The following ZC3H12B variants were observed in gnomAD, a reference collection of about 807,000 sequenced individuals.
ZC3H12B encodes zinc finger CCCH-type containing 12B, also known as probable ribonuclease ZC3H12B.
ZC3H12B carries 7 observed loss-of-function variants against 43.9 expected under a neutral mutation model. That is an observed-to-expected ratio of 0.16 (90% confidence interval 0.09 to 0.30). ZC3H12B has a LOEUF of 0.30. ZC3H12B is among the 10% of genes least tolerant of loss of function. The pLI, the probability that ZC3H12B is intolerant of heterozygous loss-of-function variation, is 1.00. For missense variants in ZC3H12B, 475 were observed against 670.2 expected, an observed-to-expected ratio of 0.71 and a Z score of 3.22; for synonymous variants, 222 against 241.7, an observed-to-expected ratio of 0.92 and a Z score of 0.76.
chrX:65,373,897 A>ATATATATACTATATATATAC (rs2066285472), intron 2 of ZC3H12B, among the ~76,000 whole-genome samples: 1 of 27,348 alleles, frequency 3.7e-5, no homozygotes, highest in African/African-American at 1.7e-4. Flanking sequence ...GTATAGTAAT[A>ATATATATACTATATATATAC]TATATATATA....
At chrX:65,242,280 G>A in the ZC3H12B span, among the ~76,000 whole-genome samples, 2 of 111,417 alleles carry the variant, frequency 1.8e-5, no homozygotes, top group South Asian at 3.8e-4. Context: ...TGAGAGCTGC[G>A]GACGGCAATT....
chrX:65,065,032 T>G, the ZC3H12B span, among the ~76,000 whole-genome samples: 2 of 111,034 alleles, frequency 1.8e-5, no homozygotes, highest in Non-Finnish European at 3.8e-5. Flanking sequence ...AGCCTATGTG[T>G]GTCTTTGCAC....
chrX:65,407,374 C>A (rs1410889196), intron 3 of ZC3H12B, among the ~76,000 whole-genome samples: 1 of 112,322 alleles, frequency 8.9e-6, no homozygotes, highest in Non-Finnish European at 1.9e-5. Flanking sequence ...TCGCACGGGG[C>A]GTGCCGAGCC....
the ZC3H12B span, among the ~76,000 whole-genome samples, chrX:65,252,743 A>G: frequency 3.6e-5 from 4 of 111,938 alleles, no homozygotes; most frequent in Admixed American, 9.5e-5. Flanking sequence ...TCTCATTATT[A>G]TACGTTGTCA....
chrX:65,489,698 T>C (rs1420216906), intron 1 of ZC3H12B, among the ~76,000 whole-genome samples: 1 of 112,062 alleles, frequency 8.9e-6, no homozygotes, highest in Non-Finnish European at 1.9e-5. Flanking sequence ...GTCCTATCCC[T>C]ACTTTACTAG....
At chrX:65,430,376 G>A (rs1299285390) in intron 3 of ZC3H12B, among the ~76,000 whole-genome samples, 1 of 108,505 alleles carries the variant, frequency 9.2e-6, no homozygotes, top group African/African-American at 3.4e-5. Context: ...TAAGTTCTAG[G>A]GTACATGTGC....
the ZC3H12B span, among the ~76,000 whole-genome samples, chrX:65,095,614 A>G: frequency 1.4e-3 from 157 of 111,931 alleles, 1 homozygote; most frequent in Non-Finnish European, 2.4e-3. Flanking sequence ...GTGTGCTTCT[A>G]GCAGTGGGAG....
At chrX:65,122,815 A>T in the ZC3H12B span, among the ~76,000 whole-genome samples, 35 of 111,827 alleles carry the variant, frequency 3.1e-4, no homozygotes, top group Non-Finnish European at 5.8e-4. Flanking sequence ...TAAAGGGATC[A>T]ATTCAACAGG....
chrX:65,371,789 C>T (rs761326160), intron 2 of ZC3H12B, among the ~76,000 whole-genome samples: 1 of 111,522 alleles, frequency 9.0e-6, no homozygotes. Flanking sequence ...AACACTCAGG[C>T]ATACAACAGA....
At chrX:65,187,916 A>C in the ZC3H12B span, among the ~76,000 whole-genome samples, 1 of 110,793 alleles carries the variant, frequency 9.0e-6, no homozygotes, top group East Asian at 2.8e-4. Flanking sequence ...TCTAATTATA[A>C]TTTTGCATGC....
the ZC3H12B span, among the ~76,000 whole-genome samples, chrX:65,184,058 C>A: frequency 9.0e-6 from 1 of 110,565 alleles, no homozygotes; most frequent in African/African-American, 3.3e-5. Context: ...GTTTTGAACT[C>A]CTATTGATAT....
At chrX:65,407,391 C>G (rs1255582935) in intron 3 of ZC3H12B, among the ~76,000 whole-genome samples, 10 of 112,784 alleles carry the variant, frequency 8.9e-5, no homozygotes, top group African/African-American at 3.2e-4. Context: ...AGCCGCCTTC[C>G]GGCGCGCCCT....
chrX:65,382,114 C>T (rs1373626292), intron 2 of ZC3H12B, among the ~76,000 whole-genome samples: 1 of 111,815 alleles, frequency 8.9e-6, no homozygotes, highest in East Asian at 2.8e-4. Flanking sequence ...AGGCCAGCAT[C>T]ATCCTGATAC....
At chrX:65,202,148 A>T in the ZC3H12B span, among the ~76,000 whole-genome samples, 13 of 68,367 alleles carry the variant, frequency 1.9e-4, no homozygotes, top group African/African-American at 5.5e-3. Context: ...ATATAATATG[A>T]AATATATATT....
At chrX:65,226,807 G>C in the ZC3H12B span, among the ~76,000 whole-genome samples, 1 of 111,397 alleles carries the variant, frequency 9.0e-6, no homozygotes, top group African/African-American at 3.3e-5. Flanking sequence ...AATGGTAAAG[G>C]GATCAATGCA....
At chrX:65,153,297 A>T in the ZC3H12B span, among the ~76,000 whole-genome samples, 1 of 112,106 alleles carries the variant, frequency 8.9e-6, no homozygotes, top group African/African-American at 3.2e-5. Flanking sequence ...TGAACAGGCA[A>T]CCTACAGAAT....
chrX:65,234,576 G>A, the ZC3H12B span, among the ~76,000 whole-genome samples: 1 of 111,999 alleles, frequency 8.9e-6, no homozygotes, highest in Non-Finnish European at 1.9e-5. Flanking sequence ...AATTATTTTT[G>A]TTTTCAGATA....
chrX:65,147,488 G>T, the ZC3H12B span, among the ~76,000 whole-genome samples: 1 of 110,798 alleles, frequency 9.0e-6, no homozygotes, highest in Non-Finnish European at 1.9e-5. Flanking sequence ...GGTCTATAGG[G>T]GCTGACCTGA....
chrX:65,180,930 A>G, the ZC3H12B span, among the ~76,000 whole-genome samples: 1 of 111,568 alleles, frequency 9.0e-6, no homozygotes. Flanking sequence ...CCAAAAAACG[A>G]GTCCATGGAG....
Sources: allele counts gnomAD v4.1 joint callset (sites outside exome capture counted in the v4.1 genomes callset), GRCh38; gene constraint gnomAD v4.1.1; transcripts MANE v1.5; gene names NCBI Gene and HGNC (gene_info 2026-07-23, HGNC 2026-07-21).